LIN28B: variants seen among roughly 807,000 people sequenced by gnomAD.
The protein encoded by LIN28B is protein lin-28 homolog B.
A neutral mutation model predicts 21.9 loss-of-function variants in LIN28B; 5 were observed. That is an observed-to-expected ratio of 0.23 (90% CI 0.12 to 0.48). The LOEUF is 0.48. Among genes scored for constraint, LIN28B ranks in the 20% least tolerant of loss-of-function variants. The probability of loss-of-function intolerance (pLI) is 0.98; values close to 1 mark genes in which losing one functional copy is unlikely to be tolerated. For missense variants in LIN28B, 245 were observed against 310.5 expected, an observed-to-expected ratio of 0.79 and a Z score of 1.58; for synonymous variants, 109 against 111.3, an observed-to-expected ratio of 0.98 and a Z score of 0.13.
At chr6:105,022,410 T>C (rs1226652504) in intron 2 of LIN28B, among the ~76,000 whole-genome samples, 1 of 152,166 alleles carries the variant, frequency 6.6e-6, no homozygotes, top group African/African-American at 2.4e-5. Context: ...TTGTACATTT[T>C]TAGGCATATG....
rs1030696792 is a variant in LIN28B at position 104,937,791 on chromosome 6, G to A, written c.18+675G>A. On this transcript the variant is annotated intron_variant, in intron 2 of 5. Coordinates refer to the LIN28B transcript ENST00000635857. ...AGTATTTCCTTGAAAATATAATCAG[G>A]GTGCATTCAGATGCATTCATTAAAA... is the stretch of plus-strand genomic sequence containing the variant. Among the ~76,000 whole-genome samples, 10 of 151,600 alleles carry A rather than the reference G, an allele frequency of 6.6e-5. No homozygotes were observed. The South Asian group carries it at 1.5e-3, about 22-fold the overall frequency.
At chr6:105,062,724 C>A (rs542577611) in intron 3 of LIN28B, among the ~76,000 whole-genome samples, 2 of 151,820 alleles carry the variant, frequency 1.3e-5, no homozygotes, top group South Asian at 2.1e-4. Flanking sequence ...GCTTATTGTT[C>A]TTGGTGGTTC....
chr6:104,993,986 A>C (rs1354550221), intron 2 of LIN28B, among the ~76,000 whole-genome samples: 1 of 152,284 alleles, frequency 6.6e-6, no homozygotes, highest in African/African-American at 2.4e-5. Flanking sequence ...TCATTAAACT[A>C]TACCAGTTCT....
upstream of LIN28B, among the ~76,000 whole-genome samples, chr6:104,953,185 G>A (rs1395959791): frequency 6.6e-6 from 1 of 152,064 alleles, no homozygotes; most frequent in Non-Finnish European, 1.5e-5. Flanking sequence ...CCAGCCTTGC[G>A]TCCAGCCCTT....
chr6:104,978,578 T>A (rs933533042), intron 2 of LIN28B, among the ~76,000 whole-genome samples: 5 of 152,094 alleles, frequency 3.3e-5, no homozygotes, highest in African/African-American at 9.6e-5. Flanking sequence ...TTTTTTTTTT[T>A]AATTAAAAAA....
chr6:105,004,725 G>A (rs1044609891), intron 2 of LIN28B, among the ~76,000 whole-genome samples: 1 of 152,118 alleles, frequency 6.6e-6, no homozygotes, highest in African/African-American at 2.4e-5. Flanking sequence ...AATTTCCCAT[G>A]TAAGTATCAT....
At chr6:104,975,714 T>G (rs1406195803) in intron 2 of LIN28B, among the ~76,000 whole-genome samples, 1 of 151,908 alleles carries the variant, frequency 6.6e-6, no homozygotes. Context: ...AGTGGTGTGG[T>G]GTGATCATGG....
intron 3 of LIN28B, among the ~76,000 whole-genome samples, chr6:105,049,564 T>G (rs1278051098): frequency 2.6e-5 from 4 of 152,142 alleles, no homozygotes; most frequent in African/African-American, 9.7e-5. Context: ...CCTTGTTAAC[T>G]TTCTGTCTCG....
intron 2 of LIN28B, among the ~76,000 whole-genome samples, chr6:105,006,693 T>G (rs1196192918): frequency 6.6e-6 from 1 of 152,164 alleles, no homozygotes; most frequent in Non-Finnish European, 1.5e-5. Flanking sequence ...GCACTACATG[T>G]TCAGTGTGGT....
At position 104,969,955 on chromosome 6, in the gene LIN28B, A is replaced by G. The variant is rs553561762; in HGVS notation, c.198+11669A>G. 3.3e-5 allele frequency among the ~76,000 whole-genome samples: 5 copies of G among 152,332 alleles called. No individual in the cohort carries two copies. The East Asian group carries it at 9.6e-4, about 29-fold the overall frequency. On this transcript the variant is annotated intron_variant, in intron 2 of 3. Coordinates refer to ENST00000345080, the MANE Select transcript of LIN28B (RefSeq NM_001004317.4). ...TTATCTTAGCATCCTTTAAAAGTAT[A>G]CAGCTCTGGTTCAGGACCTCAGGAC...
rs1772125242 is a variant in LIN28B at position 105,061,784 on chromosome 6, A to T, written c.384-16630A>T. Among the ~76,000 whole-genome samples, 3 of 152,278 alleles carry T rather than the reference A, an allele frequency of 2.0e-5. 1 individual carries two copies. The South Asian group carries it at 6.2e-4, about 32-fold the overall frequency. On this transcript the variant is annotated intron_variant, in intron 3 of 3. Transcript: ENST00000345080. ...TGGTTTTATCATGGACCACCATCTG[A>T]GTTACAGGCTGAAATCCTGGATTCC... is the stretch of plus-strand genomic sequence containing the variant.
intron 2 of LIN28B, among the ~76,000 whole-genome samples, chr6:105,011,898 G>A (rs1426167868): frequency 2.0e-5 from 3 of 150,638 alleles, no homozygotes; most frequent in Non-Finnish European, 3.0e-5. Flanking sequence ...GGTGTCTCAT[G>A]CCTGTAATCC....
intron 2 of LIN28B, among the ~76,000 whole-genome samples, chr6:105,019,656 G>C (rs1013624759): frequency 6.6e-6 from 1 of 152,122 alleles, no homozygotes; most frequent in Admixed American, 6.5e-5. Flanking sequence ...TAGGAATCTT[G>C]GTTCCTACTT....
At chr6:104,986,672 T>C (rs1770353218) in intron 2 of LIN28B, among the ~76,000 whole-genome samples, 1 of 152,162 alleles carries the variant, frequency 6.6e-6, no homozygotes, top group Non-Finnish European at 1.5e-5. Flanking sequence ...GTCATTCTTG[T>C]CATACCCAAC....
At chr6:104,993,608 G>C (rs1399700427) in intron 2 of LIN28B, among the ~76,000 whole-genome samples, 1 of 152,140 alleles carries the variant, frequency 6.6e-6, no homozygotes, top group African/African-American at 2.4e-5. Context: ...GGCCGAGGTG[G>C]GTGGATTGCT....
intron 2 of LIN28B, among the ~76,000 whole-genome samples, chr6:105,019,079 G>A (rs1174755386): frequency 6.6e-6 from 1 of 151,980 alleles, no homozygotes; most frequent in Non-Finnish European, 1.5e-5. Context: ...CCTAGTAGCT[G>A]GGATTATAAG....
intron 3 of LIN28B, among the ~76,000 whole-genome samples, chr6:105,050,036 C>G (rs552850543): frequency 6.6e-6 from 1 of 152,158 alleles, no homozygotes; most frequent in East Asian, 1.9e-4. Context: ...GGTTTTGATC[C>G]TGTCATTATG....
chr6:105,080,299 T>C lies in LIN28B; in HGVS notation c.*1516T>C, dbSNP rs750810752. The C allele has an allele frequency of 2.6e-5, 4 of 152,670 alleles. No individual in the cohort carries two copies. Among genetic ancestry groups the C allele is most frequent in the Non-Finnish European group, 4.4e-5 (3 of 68,046 alleles). The allele number at this position is 152,670 out of a possible 1,614,324, so 9.5% of individuals were successfully genotyped here. A position where few individuals can be genotyped will look rare whatever the true frequency, so the allele number is the denominator to read the frequency against. On this transcript the variant is annotated 3_prime_UTR_variant, in exon 4 of 4. Coordinates refer to ENST00000345080, the MANE Select transcript of LIN28B (RefSeq NM_001004317.4). ...GGTACCAGTTAATTATAGTGCTTAA[T>C]ATTGGGAATAAGATTAAGCATTATA...
At chr6:104,994,709 C>G (rs1263577631) in intron 2 of LIN28B, among the ~76,000 whole-genome samples, 3 of 152,156 alleles carry the variant, frequency 2.0e-5, no homozygotes, top group African/African-American at 7.2e-5. Context: ...CATTCAGAGC[C>G]AGGCATTTTT....
Sources: gnomAD v4.1 joint callset for allele counts (sites outside exome capture counted in the v4.1 genomes callset) on GRCh38, gnomAD v4.1.1 for gene constraint, MANE v1.5 for transcripts, NCBI Gene and HGNC (gene_info 2026-07-23, HGNC 2026-07-21) for gene names.